Variants in DNAH7 observed in about 807,000 individuals in gnomAD.
DNAH7 encodes axonemal beta dynein heavy chain 7.
A neutral mutation model predicts 444.6 loss-of-function variants in DNAH7; 397 were observed. The observed-to-expected ratio is 0.89, with a 90% CI of 0.82 to 0.97. The LOEUF (loss-of-function observed/expected upper bound fraction) is 0.97. DNAH7 is among the 50% of genes least tolerant of loss of function. The probability of loss-of-function intolerance (pLI) is 0.00; values close to 1 mark genes in which losing one functional copy is unlikely to be tolerated. For synonymous variants in DNAH7, 1,636 were observed against 1,624.4 expected (o/e 1.01, Z -0.17); for missense variants, 4,902 against 4,800.8 (o/e 1.02, Z -0.62).
chr2:196,005,133 G>A (rs968965695), intron 10 of DNAH7, among the ~76,000 whole-genome samples: 1 of 151,798 alleles, frequency 6.6e-6, no homozygotes, highest in Admixed American at 6.6e-5. Context: ...AATTAGCCGG[G>A]TGTGGTGGTG....
rs1692720060 is a variant in DNAH7 at position 195,737,766 on chromosome 2, T to C, written c.*155A>G. The C allele has an allele frequency of 1.6e-5, 10 of 641,270 alleles. No individual in the cohort carries two copies. The highest frequency in any genetic ancestry group is 1.0e-4 in the South Asian group (5 of 49,304). The allele number at this position is 641,270 out of a possible 1,614,324, so 39.7% of individuals were successfully genotyped here. A position where few individuals can be genotyped will look rare whatever the true frequency, so the allele number is the denominator to read the frequency against. ...TCCTTACATTTAAGTATGAGTCATATTAAGTTTAGCTGCATTTGCTCATAA... is the reference window on the plus strand; with the variant it reads ...TCCTTACATTTAAGTATGAGTCATACTAAGTTTAGCTGCATTTGCTCATAA... On this transcript the variant is annotated 3_prime_UTR_variant, in exon 65 of 65. Transcript: ENST00000312428.
chr2:195,765,022 C>G (rs1035694059), intron 61 of DNAH7, among the ~76,000 whole-genome samples: 3 of 152,084 alleles, frequency 2.0e-5, no homozygotes, highest in African/African-American at 7.2e-5. Flanking sequence ...CAGCATGGTA[C>G]TGGCATAAAA....
intron 12 of DNAH7, among the ~76,000 whole-genome samples, chr2:195,990,797 G>A (rs1559310079): frequency 7.0e-6 from 1 of 143,746 alleles, no homozygotes; most frequent in Non-Finnish European, 1.5e-5. Context: ...GTGTGTGTGT[G>A]TGTGTGTGTG....
intron 20 of DNAH7, among the ~76,000 whole-genome samples, 192 bp downstream of exon 20, chr2:195,936,407 A>T (rs933207948): frequency 2.6e-5 from 4 of 152,080 alleles, no homozygotes; most frequent in African/African-American, 4.8e-5. Context: ...AAAGAAAACG[A>T]TTCCACGGTT....
At chr2:195,943,279 G>A (rs186801718) in intron 19 of DNAH7, among the ~76,000 whole-genome samples, 46 of 152,188 alleles carry the variant, frequency 3.0e-4, no homozygotes, top group Middle Eastern at 3.4e-3. Context: ...TTCAATATAA[G>A]CCAATTCACT....
intron 63 of DNAH7, among the ~76,000 whole-genome samples, chr2:195,751,050 CAATA>C (rs1314719048): frequency 5.3e-5 from 8 of 151,996 alleles, no homozygotes; most frequent in Admixed American, 4.6e-4. Context: ...ATTAAGGAAA[CAATA>C]AACTAAATAA....
intron 2 of DNAH7, 72 bp from the exon 3 acceptor site, chr2:196,051,321 T>G: frequency 1.7e-6 from 2 of 1,162,694 alleles, no homozygotes; most frequent in Middle Eastern, 2.2e-4. Context: ...TGAACCAAAT[T>G]TTACAGAAAG....
chr2:195,754,814 G>A (rs142304111), intron 62 of DNAH7, among the ~76,000 whole-genome samples: 21 of 152,246 alleles, frequency 1.4e-4, no homozygotes, highest in African/African-American at 4.3e-4. Context: ...CACCTAGGGA[G>A]CCTTTCAACT....
intron 33 of DNAH7, among the ~76,000 whole-genome samples, chr2:195,887,618 G>A (rs1163363768): frequency 1.3e-5 from 2 of 152,114 alleles, no homozygotes; most frequent in Non-Finnish European, 2.9e-5. Flanking sequence ...AACATCAAGA[G>A]AACTATCAAC....
chr2:195,920,500 AT>A (rs1320325220), intron 24 of DNAH7, among the ~76,000 whole-genome samples: 11 of 152,250 alleles, frequency 7.2e-5, no homozygotes, highest in Non-Finnish European at 1.5e-5. Flanking sequence ...ATGTGTTGGG[AT>A]AACTGGCAAG....
intron 10 of DNAH7, among the ~76,000 whole-genome samples, chr2:196,005,908 A>C (rs970508305): frequency 1.3e-5 from 2 of 149,318 alleles, no homozygotes; most frequent in South Asian, 2.1e-4. Context: ...CCAACTACAA[A>C]GACATAACAC....
chr2:195,981,964 G>T (rs908800310), intron 15 of DNAH7, among the ~76,000 whole-genome samples: 1 of 152,144 alleles, frequency 6.6e-6, no homozygotes, highest in Non-Finnish European at 1.5e-5. Context: ...TTGGACAAAT[G>T]GGATCACATC....
In DNAH7 at chr2:195,936,632, A is replaced by G. The variant is rs1301806855; in HGVS notation, c.3239T>C (p.Leu1080Pro). The G allele has an allele frequency of 1.9e-6, 3 of 1,603,854 alleles. No individual in the cohort carries two copies. Among genetic ancestry groups the G allele is most frequent in the African/African-American group, 1.3e-5 (1 of 74,296 alleles). ...RFFFLSNDEL[L>P]EILSETKDPT... ...ATCTTTAGTCTCAGATAGTATCTCA[A>G]GAAGTTCATCATTGGACAAAAAAAA... is the stretch of plus-strand genomic sequence containing the variant. The change falls in exon 20 of 65, where the codon CTT (leucine) becomes CCT (proline). Residue 1080 changes from leucine to proline, a missense_variant. Transcript: ENST00000312428.
chr2:195,988,944 C>G (rs952903039), intron 12 of DNAH7, among the ~76,000 whole-genome samples: 4 of 152,124 alleles, frequency 2.6e-5, no homozygotes, highest in Non-Finnish European at 5.9e-5. Flanking sequence ...CAGTATTTGT[C>G]TTTCTGTGTG....
intron 61 of DNAH7, 131 bp from the exon 62 acceptor site, chr2:195,756,416 G>GAAA: frequency 5.1e-6 from 3 of 590,586 alleles, no homozygotes; most frequent in Non-Finnish European, 7.3e-6. Flanking sequence ...AGTCATACAG[G>GAAA]AAAAAAAAAA....
In DNAH7 at chr2:195,881,977, C is replaced by T; in HGVS notation, c.5779G>A (p.Glu1927Lys). The T allele has an allele frequency of 6.2e-7, 1 of 1,613,426 alleles. No individual in the cohort carries two copies. The highest frequency in any genetic ancestry group is 8.5e-7 in the Non-Finnish European group (1 of 1,179,638). ...TCTTTCAATTTCTTTATCCATGGTT[C>T]CCATTTTCCTATTCCCTGTTTATAA... ...QFVTEGIGKW[E>K]PWIKKLKEAP... The change falls in exon 36 of 65, where the codon GAA (glutamate) becomes AAA (lysine). Residue 1927 changes from glutamate (E) to lysine (K), a missense_variant. Glu to Lys is a moderately conservative substitution (Grantham distance 56). Transcript: ENST00000312428.
At chr2:195,896,569 G>A (rs933013744) in intron 29 of DNAH7, among the ~76,000 whole-genome samples, 1 of 152,114 alleles carries the variant, frequency 6.6e-6, no homozygotes. Context: ...AGAAGCAAGT[G>A]GACTTCACTC....
intron 61 of DNAH7, among the ~76,000 whole-genome samples, chr2:195,758,096 C>T (rs2105915405): frequency 6.6e-6 from 1 of 152,280 alleles, no homozygotes; most frequent in South Asian, 2.1e-4. Context: ...CCTTTATCTT[C>T]CAGGAAGGAC....
At chr2:195,816,594 T>G in intron 51 of DNAH7, 34 bp downstream of exon 51, 1 of 1,414,440 alleles carries the variant, frequency 7.1e-7, no homozygotes, top group South Asian at 1.3e-5. Context: ...CATGCATTAA[T>G]TAGTTAATAT....
Sources: allele counts gnomAD v4.1 joint callset (sites outside exome capture counted in the v4.1 genomes callset), GRCh38; gene constraint gnomAD v4.1.1; transcripts MANE v1.5; gene names NCBI Gene and HGNC (gene_info 2026-07-23, HGNC 2026-07-21).